AUH: variants seen among roughly 807,000 people sequenced by gnomAD.
AUH encodes AU RNA binding methylglutaconyl-CoA hydratase.
A neutral mutation model predicts 42.3 loss-of-function variants in AUH; 29 were observed. That is an observed-to-expected ratio of 0.69 (90% CI 0.51 to 0.93). The LOEUF (loss-of-function observed/expected upper bound fraction) is 0.93. AUH is among the 40% of genes least tolerant of loss of function. AUH has a pLI of 0.00. For missense variants in AUH, 452 were observed against 438.1 expected (o/e 1.03, Z -0.28); for synonymous variants, 174 against 166.4 (o/e 1.05, Z -0.35).
At chr9:91,332,844 C>T (rs905837124) in intron 3 of AUH, among the ~76,000 whole-genome samples, 1 of 152,172 alleles carries the variant, frequency 6.6e-6, no homozygotes, top group Non-Finnish European at 1.5e-5. Flanking sequence ...GAGCATGGCC[C>T]GAGGGCAGAG....
chr9:91,345,451 CA>C (rs1831424470), intron 3 of AUH, among the ~76,000 whole-genome samples: 2 of 152,188 alleles, frequency 1.3e-5, no homozygotes, highest in Non-Finnish European at 2.9e-5. Context: ...ACAGTAACAT[CA>C]AAATATATGA....
At chr9:91,279,303 A>G (rs1187002875) in intron 6 of AUH, among the ~76,000 whole-genome samples, 2 of 152,184 alleles carry the variant, frequency 1.3e-5, no homozygotes, top group Admixed American at 1.3e-4. Flanking sequence ...TCTTTATTGT[A>G]CAAAAGAAAC....
At chr9:91,294,549 A>T in intron 6 of AUH, 1 of 366,282 alleles carries the variant, frequency 2.7e-6, no homozygotes, top group Non-Finnish European at 5.4e-6. Context: ...TCCGTCTCAA[A>T]AAAACAAAAC....
At chr9:91,337,720 T>C (rs771587947) in intron 3 of AUH, among the ~76,000 whole-genome samples, 2 of 152,156 alleles carry the variant, frequency 1.3e-5, no homozygotes, top group Non-Finnish European at 2.9e-5. Flanking sequence ...TTTGTGAAAA[T>C]GCTTTGTTAG....
chr9:91,228,729 G>A (rs1378296602), intron 6 of AUH, among the ~76,000 whole-genome samples: 1 of 151,414 alleles, frequency 6.6e-6, no homozygotes, highest in African/African-American at 2.4e-5. Context: ...CTTTGAATGT[G>A]TCCCAGAGAT....
At position 91,319,594 on chromosome 9, in the gene AUH, C is replaced by A. The variant is rs182540299; in HGVS notation, c.505+5724G>T. ...TCCTGATAAGATCTCAGGAGCTGGGCAAGTGCAGTTGAGCATGAGCACTGA... is the reference window on the plus strand; with the variant it reads ...TCCTGATAAGATCTCAGGAGCTGGGAAAGTGCAGTTGAGCATGAGCACTGA... On this transcript the variant is annotated intron_variant, in intron 4 of 9. Coordinates refer to ENST00000375731, the MANE Select transcript of AUH (RefSeq NM_001698.3). Among the ~76,000 whole-genome samples the A allele has an allele frequency of 5.6e-3, 850 of 152,338 alleles. 12 individuals carry two copies. Among genetic ancestry groups the A allele is most frequent in the African/African-American group, 0.019 (810 of 41,588 alleles).
intron 1 of AUH, among the ~76,000 whole-genome samples, chr9:91,356,950 G>C (rs1016632776): frequency 5.9e-5 from 9 of 152,170 alleles, no homozygotes; most frequent in Non-Finnish European, 1.2e-4. Context: ...CACTGAGTCA[G>C]GGTGGGTATG....
intron 6 of AUH, among the ~76,000 whole-genome samples, chr9:91,288,569 T>C (rs879629484): frequency 2.8e-4 from 43 of 152,150 alleles, no homozygotes; most frequent in Non-Finnish European, 5.0e-4. Context: ...TCACTTTGTG[T>C]TTAATATTGG....
At chr9:91,270,007 C>A (rs915220867) in intron 6 of AUH, among the ~76,000 whole-genome samples, 1 of 152,196 alleles carries the variant, frequency 6.6e-6, no homozygotes, top group African/African-American at 2.4e-5. Flanking sequence ...AAACTGGCAT[C>A]AAACTCTATC....
chr9:91,291,906 G>C (rs187076163), intron 6 of AUH, among the ~76,000 whole-genome samples: 26 of 123,528 alleles, frequency 2.1e-4, no homozygotes, highest in Admixed American at 2.1e-3. Flanking sequence ...TCTGGCGACA[G>C]AGTGAGACTC....
At position 91,311,717 on chromosome 9, in the gene AUH, T is replaced by C. The variant is rs1293442284; in HGVS notation, c.505+13601A>G. On this transcript the variant is annotated intron_variant, in intron 4 of 9. Transcript: ENST00000375731. ...TATTCTATACTGCTAATGTGCACAA[T>C]ATGGGTCCCAATAGTGATGTCAACA... is the stretch of plus-strand genomic sequence containing the variant. Among the ~76,000 whole-genome samples the C allele has an allele frequency of 1.3e-5, 2 of 152,086 alleles. 1 individual carries two copies. Among genetic ancestry groups the C allele is most frequent in the East Asian group, 3.9e-4 (2 of 5,188 alleles).
intron 3 of AUH, among the ~76,000 whole-genome samples, chr9:91,347,917 A>T (rs1349055123): frequency 2.0e-5 from 3 of 149,566 alleles, no homozygotes; most frequent in African/African-American, 7.3e-5. Context: ...AAAGTATAAT[A>T]AAAAAAAGAA....
At chr9:91,302,507 T>C (rs1242548301) in intron 4 of AUH, among the ~76,000 whole-genome samples, 1 of 152,172 alleles carries the variant, frequency 6.6e-6, no homozygotes, top group African/African-American at 2.4e-5. Flanking sequence ...GAGAATCGCT[T>C]GAACCCAGGA....
chr9:91,275,256 A>T (rs1341815284), intron 6 of AUH, among the ~76,000 whole-genome samples: 1 of 152,244 alleles, frequency 6.6e-6, no homozygotes, highest in Non-Finnish European at 1.5e-5. Flanking sequence ...AGATCCAGGC[A>T]GCCCTGCTCC....
At position 91,355,871 on chromosome 9, in the gene AUH, A is replaced by G; in HGVS notation, c.418+12T>C. 6.3e-6 allele frequency: 10 copies of G among 1,592,406 alleles called. No individual in the cohort carries two copies. The highest frequency in any genetic ancestry group is 1.1e-5 in the South Asian group (1 of 90,624). Reference sequence around the variant, plus strand: ...CTACAGTTTAATTTCATAATACAACATATTTACATACCAGCACAGAATATC... The same window carrying G: ...CTACAGTTTAATTTCATAATACAACGTATTTACATACCAGCACAGAATATC... On this transcript the variant is annotated intron_variant, in intron 3 of 9. Coordinates refer to ENST00000375731, the MANE Select transcript of AUH (RefSeq NM_001698.3).
chr9:91,329,317 C>A (rs866623297), intron 3 of AUH, among the ~76,000 whole-genome samples: 70 of 148,458 alleles, frequency 4.7e-4, no homozygotes, highest in South Asian at 1.3e-3. Context: ...AAAAAAAAAA[C>A]AAAAACCCTG....
intron 4 of AUH, among the ~76,000 whole-genome samples, chr9:91,299,574 G>A (rs955509024): frequency 2.0e-5 from 3 of 152,100 alleles, no homozygotes; most frequent in African/African-American, 7.2e-5. Context: ...TTCAAAATGT[G>A]CTTTCCAGAA....
chr9:91,219,173 A>T (rs192602871), intron 7 of AUH, among the ~76,000 whole-genome samples: 1 of 152,178 alleles, frequency 6.6e-6, no homozygotes, highest in African/African-American at 2.4e-5. Context: ...CATTTGCTGC[A>T]TGGTGGCCAC....
chr9:91,236,626 C>A (rs936218088), intron 6 of AUH, among the ~76,000 whole-genome samples: 1 of 152,108 alleles, frequency 6.6e-6, no homozygotes, highest in South Asian at 2.1e-4. Flanking sequence ...GGCAGGAAAT[C>A]GAGATTCAGA....
Sources: gnomAD v4.1 joint callset for allele counts (sites outside exome capture counted in the v4.1 genomes callset) on GRCh38, gnomAD v4.1.1 for gene constraint, MANE v1.5 for transcripts, NCBI Gene and HGNC (gene_info 2026-07-23, HGNC 2026-07-21) for gene names.